The following NDUFAF2 variants were observed in gnomAD, a reference collection of about 807,000 sequenced individuals.
NDUFAF2 encodes NADH:ubiquinone oxidoreductase complex assembly factor 2.
Under a neutral mutation model 22.8 loss-of-function variants are expected in NDUFAF2, and 13 were observed. The observed-to-expected ratio is 0.57, with a 90% CI of 0.37 to 0.91. NDUFAF2 has a LOEUF of 0.91. NDUFAF2 is among the 40% of genes least tolerant of loss of function. NDUFAF2 has a pLI of 0.01. For missense variants in NDUFAF2, 162 were observed against 195.2 expected (o/e 0.83, Z 1.01); for synonymous variants, 53 against 64.2 (o/e 0.83, Z 0.84).
chr5:61,039,143 C>CAAAA (rs36065069), intron 1 of NDUFAF2, among the ~76,000 whole-genome samples: 3 of 82,514 alleles, frequency 3.6e-5, no homozygotes, highest in African/African-American at 1.5e-4. Context: ...GCTGACAGGC[C>CAAAA]AAAAAAAAAA....
intron 1 of NDUFAF2, among the ~76,000 whole-genome samples, chr5:61,008,277 AT>A (rs984411455): frequency 3.3e-5 from 5 of 152,104 alleles, no homozygotes; most frequent in African/African-American, 1.2e-4. Context: ...CATTGTGCAC[AT>A]GTACCCTAAA....
At chr5:60,953,355 T>C (rs925794340) in intron 1 of NDUFAF2, among the ~76,000 whole-genome samples, 1 of 152,140 alleles carries the variant, frequency 6.6e-6, no homozygotes, top group African/African-American at 2.4e-5. Flanking sequence ...TGCCAACCTA[T>C]AATTTTGTAC....
At chr5:61,064,271 GA>G (rs1038739165) in intron 1 of NDUFAF2, among the ~76,000 whole-genome samples, 1 of 152,076 alleles carries the variant, frequency 6.6e-6, no homozygotes, top group African/African-American at 2.4e-5. Flanking sequence ...CATGAAGGGA[GA>G]AATAGATAGC....
intron 1 of NDUFAF2, among the ~76,000 whole-genome samples, chr5:61,026,820 CTTTCT>C (rs1751656151): frequency 6.6e-6 from 1 of 151,494 alleles, no homozygotes; most frequent in Non-Finnish European, 1.5e-5. Flanking sequence ...ACAAAAAGTT[CTTTCT>C]TTTGTTTAAT....
intron 1 of NDUFAF2, among the ~76,000 whole-genome samples, chr5:61,047,166 C>T (rs1262395133): frequency 6.6e-6 from 1 of 151,928 alleles, no homozygotes; most frequent in Non-Finnish European, 1.5e-5. Flanking sequence ...CTTCTACTTT[C>T]CCATCCCGAG....
At chr5:60,959,541 A>G (rs1364487025) in intron 1 of NDUFAF2, among the ~76,000 whole-genome samples, 1 of 152,084 alleles carries the variant, frequency 6.6e-6, no homozygotes, top group African/African-American at 2.4e-5. Context: ...TTCAATAGTA[A>G]GTAACATTCT....
intron 1 of NDUFAF2, among the ~76,000 whole-genome samples, chr5:60,988,092 T>A (rs898419412): frequency 3.3e-5 from 5 of 152,090 alleles, no homozygotes; most frequent in African/African-American, 1.2e-4. Flanking sequence ...AGTTTCAGGA[T>A]ACAAAATCAA....
Position 61,070,083 on chromosome 5 carries a change from A to G in NDUFAF2, c.128-3042A>G, listed in dbSNP as rs868316681. 6.2e-4 allele frequency among the ~76,000 whole-genome samples: 95 copies of G among 152,214 alleles called. 1 individual carries two copies. The highest frequency in any genetic ancestry group is 6.9e-4 in the Non-Finnish European group (47 of 67,984). On this transcript the variant is annotated intron_variant, in intron 1 of 3. Coordinates refer to ENST00000296597, the MANE Select transcript of NDUFAF2 (RefSeq NM_174889.5). Reference sequence around the variant, plus strand: ...CTCATTGAGTCCACCAATGTCAATTATTTTTGTTGTATTAGGACTTATTGA... The same window carrying G: ...CTCATTGAGTCCACCAATGTCAATTGTTTTTGTTGTATTAGGACTTATTGA...
In NDUFAF2 at chr5:61,080,784, A is replaced by G. The variant is rs148122426; in HGVS notation, c.217+7570A>G. ...GATTAGCAAATATTTTTCACAGTCT[A>G]TGGCTTGTCTTTTCATTGGCTTGTC... On this transcript the variant is annotated intron_variant, in intron 2 of 3. Transcript: ENST00000296597. 3.4e-3 allele frequency among the ~76,000 whole-genome samples: 512 copies of G among 152,224 alleles called. 3 individuals are homozygous for G. The highest frequency in any genetic ancestry group is 0.012 in the African/African-American group (481 of 41,556).
At chr5:60,956,883 T>A (rs1750623279) in intron 1 of NDUFAF2, among the ~76,000 whole-genome samples, 1 of 152,128 alleles carries the variant, frequency 6.6e-6, no homozygotes, top group African/African-American at 2.4e-5. Flanking sequence ...TTTTTTTAGT[T>A]AAAAAGAAAA....
chr5:60,971,154 T>A (rs927055660), intron 1 of NDUFAF2, among the ~76,000 whole-genome samples: 14 of 151,820 alleles, frequency 9.2e-5, no homozygotes, highest in Non-Finnish European at 2.1e-4. Flanking sequence ...GTTTTTTTTT[T>A]AAATTGTACT....
intron 3 of NDUFAF2, among the ~76,000 whole-genome samples, chr5:61,134,755 T>C (rs969860398): frequency 6.6e-6 from 1 of 151,986 alleles, no homozygotes; most frequent in African/African-American, 2.4e-5. Flanking sequence ...CTGAAACAAA[T>C]AAACGTGTTT....
chr5:61,126,950 GGA>G (rs1275057537), intron 3 of NDUFAF2, among the ~76,000 whole-genome samples: 5 of 151,672 alleles, frequency 3.3e-5, no homozygotes, highest in African/African-American at 1.2e-4. Flanking sequence ...ATAATAAAGG[GGA>G]TATCACCACC....
intron 1 of NDUFAF2, among the ~76,000 whole-genome samples, chr5:61,066,821 C>G (rs1424258451): frequency 6.6e-6 from 1 of 151,198 alleles, no homozygotes; most frequent in Non-Finnish European, 1.5e-5. Flanking sequence ...ATTTTTTTCC[C>G]CAAGTATTTT....
chr5:61,045,704 T>TGTTA (rs34902701), intron 1 of NDUFAF2, among the ~76,000 whole-genome samples: 123,010 of 151,656 alleles, frequency 0.81, 50,372 homozygotes, highest in East Asian at 1. Flanking sequence ...TGAACTTGTT[T>TGTTA]GTTCTAACAG....
rs997979505 is a variant in NDUFAF2, at chr5:61,035,435, T to G, written c.128-37690T>G. The stretch of plus-strand genomic sequence containing the variant: ...TTCTCTCTTGCTCTGTTTTTTTTTT[T>G]TTTTTTTTTTTTTTTTTGGTAAAGG... On this transcript the variant is annotated intron_variant, in intron 1 of 3. Transcript: ENST00000296597. 4.6e-4 allele frequency among the ~76,000 whole-genome samples: 67 copies of G among 146,590 alleles called. 1 individual carries two copies. The highest frequency in any genetic ancestry group is 3.4e-3 in the Middle Eastern group (1 of 292).
At chr5:61,074,918 G>A (rs904189112) in intron 2 of NDUFAF2, among the ~76,000 whole-genome samples, 3 of 152,190 alleles carry the variant, frequency 2.0e-5, no homozygotes, top group African/African-American at 7.2e-5. Flanking sequence ...TTGCGTGGCA[G>A]CGGGAGAGAG....
intron 3 of NDUFAF2, among the ~76,000 whole-genome samples, chr5:61,103,199 G>T (rs565817497): frequency 1.3e-5 from 2 of 152,116 alleles, no homozygotes; most frequent in East Asian, 3.9e-4. Flanking sequence ...CCTGATTTGG[G>T]CCCAGCCCGA....
intron 1 of NDUFAF2, among the ~76,000 whole-genome samples, chr5:61,023,106 C>T (rs1032877042): frequency 3.3e-5 from 5 of 152,070 alleles, no homozygotes; most frequent in Non-Finnish European, 7.4e-5. Context: ...AATAGGTGTT[C>T]CCCCCTTCTT....
Sources: allele counts gnomAD v4.1 joint callset (sites outside exome capture counted in the v4.1 genomes callset), GRCh38; gene constraint gnomAD v4.1.1; transcripts MANE v1.5; gene names NCBI Gene and HGNC (gene_info 2026-07-23, HGNC 2026-07-21).